Variants in CACNA1E observed in about 807,000 individuals in gnomAD.
CACNA1E encodes the protein calcium voltage-gated channel subunit alpha1 E, also known as voltage-dependent R-type calcium channel subunit alpha-1E.
Under a neutral mutation model 259.2 loss-of-function variants are expected in CACNA1E, and 40 were observed. The observed-to-expected ratio is 0.15, with a 90% CI of 0.12 to 0.20. CACNA1E has a LOEUF of 0.20. CACNA1E is among the 10% of genes least tolerant of loss of function. CACNA1E has a pLI of 1.00. For synonymous variants in CACNA1E, 1,104 were observed against 1,138.5 expected, an observed-to-expected ratio of 0.97 and a Z score of 0.61; for missense variants, 1,874 against 3,040.1, an observed-to-expected ratio of 0.62 and a Z score of 9.02.
intron 1 of CACNA1E, among the ~76,000 whole-genome samples, chr1:181,344,740 G>A (rs977728849): frequency 6.6e-6 from 1 of 152,228 alleles, no homozygotes. Context: ...AACACCCAGA[G>A]TGCAAGATAG....
At chr1:181,694,153 A>G (rs1051006738) in intron 7 of CACNA1E, among the ~76,000 whole-genome samples, 4 of 152,240 alleles carry the variant, frequency 2.6e-5, no homozygotes, top group African/African-American at 9.6e-5. Context: ...AAAGGATAAT[A>G]TGTCATTACC....
intron 1 of CACNA1E, among the ~76,000 whole-genome samples, chr1:181,507,427 C>T (rs1458766585): frequency 6.6e-6 from 1 of 152,184 alleles, no homozygotes; most frequent in Non-Finnish European, 1.5e-5. Context: ...GCTTAAAGGT[C>T]CTTATAGGGA....
At chr1:181,542,379 A>T (rs750113093) in intron 3 of CACNA1E, among the ~76,000 whole-genome samples, 93 of 152,318 alleles carry the variant, frequency 6.1e-4, no homozygotes, top group Non-Finnish European at 1.0e-3. Context: ...AACAGACTTG[A>T]CTTGATGAAG....
At chr1:181,791,267 C>T (rs1274702417) in intron 44 of CACNA1E, among the ~76,000 whole-genome samples, 3 of 152,138 alleles carry the variant, frequency 2.0e-5, no homozygotes, top group Non-Finnish European at 2.9e-5. Flanking sequence ...GTCAGGAGAT[C>T]GAGACCATCC....
At chr1:181,751,944 G>A in intron 26 of CACNA1E, 199 bp from the exon 27 acceptor site, 1 of 689,426 alleles carries the variant, frequency 1.5e-6, no homozygotes. Flanking sequence ...TGCACACTGG[G>A]AAGTGATTTG....
At chr1:181,334,486 T>C (rs1383342531) in intron 1 of CACNA1E, among the ~76,000 whole-genome samples, 1 of 152,214 alleles carries the variant, frequency 6.6e-6, no homozygotes, top group African/African-American at 2.4e-5. Context: ...ACTGTGCATA[T>C]TTAAATATGA....
At chr1:181,779,327 G>A (rs1558381648) in intron 38 of CACNA1E, 1 of 262,188 alleles carries the variant, frequency 3.8e-6, no homozygotes, top group Non-Finnish European at 8.1e-6. Context: ...GCTTTGCCAG[G>A]CCCAAGGAAA....
chr1:181,696,258 G>C (rs933170161), intron 7 of CACNA1E, among the ~76,000 whole-genome samples: 1 of 143,670 alleles, frequency 7.0e-6, no homozygotes, highest in African/African-American at 2.6e-5. Flanking sequence ...TCACTTTTTT[G>C]TAAGCTTAGG....
intron 6 of CACNA1E, among the ~76,000 whole-genome samples, chr1:181,641,259 T>A (rs1288271451): frequency 6.6e-6 from 1 of 152,118 alleles, no homozygotes; most frequent in African/African-American, 2.4e-5. Flanking sequence ...TGTTTTCAAG[T>A]ATGAGAGGAC....
At chr1:181,575,309 G>A (rs569414651) in intron 3 of CACNA1E, among the ~76,000 whole-genome samples, 1 of 152,320 alleles carries the variant, frequency 6.6e-6, no homozygotes, top group East Asian at 1.9e-4. Flanking sequence ...GACTAACTTG[G>A]TGACATGCGC....
Position 181,729,817 on chromosome 1 carries a change from G to A in CACNA1E, c.2241-1358G>A, listed in dbSNP as rs140685755. 8.1e-4 allele frequency among the ~76,000 whole-genome samples: 123 copies of A among 152,304 alleles called. 2 individuals carry two copies. The South Asian group carries it at 0.013, about 16-fold the overall frequency. ...TTACACACATGCTTCTGGATAGCTG[G>A]TATTTGAATATTTGAGAATTTGCAA... On this transcript the variant is annotated intron_variant, in intron 18 of 47. Coordinates refer to ENST00000367573, the MANE Select transcript of CACNA1E (RefSeq NM_001205293.3).
intron 6 of CACNA1E, among the ~76,000 whole-genome samples, chr1:181,649,759 A>G (rs1483263505): frequency 6.6e-6 from 1 of 152,202 alleles, no homozygotes; most frequent in African/African-American, 2.4e-5. Context: ...GGAACAGACG[A>G]CCAAATACTG....
rs1651123079 is a variant in CACNA1E at position 181,577,847 on chromosome 1, G to A, written c.594G>A (p.Leu198=). The A allele has an allele frequency of 6.2e-7, 1 of 1,610,706 alleles. No homozygotes were observed. The highest frequency in any genetic ancestry group is 8.5e-7 in the Non-Finnish European group (1 of 1,178,350). The change falls in exon 4 of 48, where the codon TTG becomes TTA. Residue 198 remains leucine, a synonymous_variant. Transcript: ENST00000367573. ...GGGCTGTGCGTGTCCTGCGGCCTTTGAAGCTCGTGTCAGGGATACCTAGTG... is the reference window on the plus strand; with the variant it reads ...GGGCTGTGCGTGTCCTGCGGCCTTTAAAGCTCGTGTCAGGGATACCTAGTG... ...TLRAVRVLRP[L]KLVSGIPSLQ...
At chr1:181,663,140 A>G (rs1647855280) in intron 7 of CACNA1E, among the ~76,000 whole-genome samples, 1 of 152,230 alleles carries the variant, frequency 6.6e-6, no homozygotes, top group Non-Finnish European at 1.5e-5. Flanking sequence ...TAGTAATATC[A>G]TGGAATTGTT....
intron 10 of CACNA1E, among the ~76,000 whole-genome samples, chr1:181,716,818 G>C (rs533092906): frequency 6.6e-6 from 1 of 152,352 alleles, no homozygotes; most frequent in East Asian, 1.9e-4. Context: ...AGCCCAATCT[G>C]TTAAAAACAT....
In CACNA1E at chr1:181,718,173, T is replaced by A; in HGVS notation, c.1638+6T>A. ...TCAACTGCTTTGATTTTGGGGTAAG[T>A]CCTCGGAAGCCTGCCTCTGCTCCTG... On this transcript the variant is annotated splice_donor_region_variant and intron_variant, in intron 12 of 47. Coordinates refer to ENST00000367573, the MANE Select transcript of CACNA1E (RefSeq NM_001205293.3). The A allele has an allele frequency of 6.7e-7, 1 of 1,493,196 alleles. No homozygotes were observed. The allele number at this position is 1,493,196 out of a possible 1,614,324, so 92.5% of individuals were successfully genotyped here.
At chr1:181,764,248 G>A (rs1658833591) in intron 34 of CACNA1E, among the ~76,000 whole-genome samples, 1 of 152,138 alleles carries the variant, frequency 6.6e-6, no homozygotes, top group South Asian at 2.1e-4. Context: ...TTGGACTCTA[G>A]CAAATATCAT....
intron 2 of CACNA1E, among the ~76,000 whole-genome samples, chr1:181,438,758 T>A: frequency 6.6e-6 from 1 of 152,192 alleles, no homozygotes; most frequent in East Asian, 1.9e-4. Flanking sequence ...TACGCTTATT[T>A]TGGAAGAATC....
At chr1:181,584,796 G>T (rs1383970565) in intron 6 of CACNA1E, among the ~76,000 whole-genome samples, 1 of 152,122 alleles carries the variant, frequency 6.6e-6, no homozygotes, top group African/African-American at 2.4e-5. Flanking sequence ...CCACATTATA[G>T]TAGAACTACT....
Sources: gnomAD v4.1 joint callset for allele counts (sites outside exome capture counted in the v4.1 genomes callset) on GRCh38, gnomAD v4.1.1 for gene constraint, MANE v1.5 for transcripts, NCBI Gene and HGNC (gene_info 2026-07-23, HGNC 2026-07-21) for gene names.